The following TRPM2 variants were observed in gnomAD, a reference collection of about 807,000 sequenced individuals.
TRPM2 encodes transient receptor potential cation channel subfamily M member 2.
In TRPM2, 161 loss-of-function variants were observed where a neutral mutation model predicts 174.0. The observed-to-expected ratio is 0.93, with a 90% CI of 0.81 to 1.05. TRPM2 has a LOEUF of 1.05. TRPM2 is among the 50% of genes least tolerant of loss of function. The probability of loss-of-function intolerance (pLI) is 0.00; values close to 1 mark genes in which losing one functional copy is unlikely to be tolerated. For synonymous variants in TRPM2, 954 were observed against 861.3 expected, an observed-to-expected ratio of 1.11 and a Z score of -1.88; for missense variants, 2,057 against 2,038.0, an observed-to-expected ratio of 1.01 and a Z score of -0.18.
At chr21:44,363,094 T>C (rs1023664042) in intron 2 of TRPM2, among the ~76,000 whole-genome samples, 5 of 152,342 alleles carry the variant, frequency 3.3e-5, no homozygotes, top group Middle Eastern at 3.4e-3. Context: ...TTTTATTTGT[T>C]TTTAGTTTTT....
chr21:44,376,780 G>A lies in TRPM2; in HGVS notation c.952+767G>A, dbSNP rs541455211. 6.6e-6 allele frequency among the ~76,000 whole-genome samples: 1 copy of A among 152,304 alleles called. No homozygotes were observed. Among genetic ancestry groups the A allele is most frequent in the East Asian group, 1.9e-4 (1 of 5,186 alleles). On this transcript the variant is annotated intron_variant, in intron 6 of 31. Transcript: ENST00000397928. This position sits in a 1 kb window ranked among gnomAD's most constrained non-coding sequence, Gnocchi z 4.2. ...TGGGTGGGCTGGGGTCCCTTGCAGG[G>A]TTCCTTGTGCATCGAACTCCCCTGG...
rs2051063674 is a variant in TRPM2 at position 44,432,589 on chromosome 21, G to T, written c.3975-2542G>T. Reference sequence around the variant, plus strand: ...AAGGACCTCATCCCGGGAATGTCCTGCTCCTCCTGCACCCGGGTCCTCCTG... The same window carrying T: ...AAGGACCTCATCCCGGGAATGTCCTTCTCCTCCTGCACCCGGGTCCTCCTG... On this transcript the variant is annotated intron_variant, in intron 27 of 31. Coordinates refer to ENST00000397928, the MANE Select transcript of TRPM2 (RefSeq NM_003307.4). This position sits in a 1 kb window ranked among gnomAD's most constrained non-coding sequence, Gnocchi z 4.9. Among the ~76,000 whole-genome samples the T allele has an allele frequency of 6.6e-6, 1 of 152,162 alleles. No individual in the cohort carries two copies. The highest frequency in any genetic ancestry group is 2.4e-5 in the African/African-American group (1 of 41,424).
intron 28 of TRPM2, 80 bp downstream of exon 28, chr21:44,435,297 G>C: frequency 6.7e-7 from 1 of 1,493,834 alleles, no homozygotes; most frequent in South Asian, 1.2e-5. Context: ...CCATTGCCCA[G>C]TGCTCAGGGG....
chr21:44,439,395 G>C lies in TRPM2; in HGVS notation c.4269+227G>C, dbSNP rs921233119. Among the ~76,000 whole-genome samples, 2 of 152,118 alleles carry C rather than the reference G, an allele frequency of 1.3e-5. No homozygotes were observed. Among genetic ancestry groups the C allele is most frequent in the Non-Finnish European group, 2.9e-5 (2 of 68,020 alleles). Reference sequence around the variant, plus strand: ...CTCAGACATCTCGCCCTCCCTCTCTGTTCCATTTTCTCCTCTCTAAATCAA... The same window carrying C: ...CTCAGACATCTCGCCCTCCCTCTCTCTTCCATTTTCTCCTCTCTAAATCAA... On this transcript the variant is annotated intron_variant, in intron 30 of 31. Coordinates refer to ENST00000397928, the MANE Select transcript of TRPM2 (RefSeq NM_003307.4). This position sits in a 1 kb window ranked among gnomAD's most constrained non-coding sequence, Gnocchi z 5.1.
chr21:44,406,579 C>G lies in TRPM2; in HGVS notation c.2791-15C>G, dbSNP rs1618355. On this transcript the variant is annotated splice_polypyrimidine_tract_variant and intron_variant, in intron 18 of 31. Transcript: ENST00000397928. Reference sequence around the variant, plus strand: ...GGGCCAGGAGAGTGTAGCCCACACACTCTCTGTCCTGCAGATGAAGGACGT... The same window carrying G: ...GGGCCAGGAGAGTGTAGCCCACACAGTCTCTGTCCTGCAGATGAAGGACGT... 7.5e-6 allele frequency: 12 copies of G among 1,602,774 alleles called. No individual in the cohort carries two copies. In the Admixed American group the frequency reaches 1.4e-4, roughly 18 times the overall value.
chr21:44,406,885 C>A, intron 19 of TRPM2, 120 bp downstream of exon 19: 1 of 1,310,170 alleles, frequency 7.6e-7, no homozygotes, highest in Non-Finnish European at 1.0e-6. Context: ...CGGTTCCCAC[C>A]TGGCCGGTGT....
chr21:44,412,269 T>G (rs1263557298), intron 19 of TRPM2, among the ~76,000 whole-genome samples: 3 of 152,204 alleles, frequency 2.0e-5, no homozygotes, highest in Non-Finnish European at 2.9e-5. Context: ...TTCAATCTCT[T>G]TATGTGTTAT....
At position 44,353,838 on chromosome 21, in the gene TRPM2, A is replaced by C. The variant is rs45438394; in HGVS notation, c.138A>C (p.Leu46=). 1 of 1,600,940 alleles carries C rather than the reference A, an allele frequency of 6.2e-7. No homozygotes were observed. The highest frequency in any genetic ancestry group is 1.1e-5 in the South Asian group (1 of 89,122). Residue 46 remains leucine, a synonymous_variant, in exon 1 of 32, where the codon CTA becomes CTC. Coordinates refer to ENST00000397928, the MANE Select transcript of TRPM2 (RefSeq NM_003307.4). ...GCAGCCTCTTCAAGAGCTGGAGGCTACAGTGCCCCTTCGGCAACAATGACA... is the reference window on the plus strand; with the variant it reads ...GCAGCCTCTTCAAGAGCTGGAGGCTCCAGTGCCCCTTCGGCAACAATGACA... The part of the protein sequence containing the change: ...SNSSLFKSWR[L]QCPFGNNDKQ...
intron 19 of TRPM2, among the ~76,000 whole-genome samples, chr21:44,407,853 G>C (rs1296218536): frequency 6.6e-6 from 1 of 150,954 alleles, no homozygotes; most frequent in East Asian, 1.9e-4. Flanking sequence ...CATATGGGTT[G>C]TTTCCACTTT....
rs1417749734 is a variant in TRPM2, at chr21:44,413,949, G to A, written c.3021G>A (p.Lys1007=). The change falls in exon 20 of 32, where the codon AAG becomes AAA. Residue 1007 remains lysine, a synonymous_variant. Coordinates refer to ENST00000397928, the MANE Select transcript of TRPM2 (RefSeq NM_003307.4). ...ATGGCACCGACCCCTACAAGCCTAA[G>A]TGCCCCGAGAGCGACGCGACGCAGC... ...SPNGTDPYKP[K]CPESDATQQR... is the part of the protein sequence containing the mutation. 1 of 1,613,914 alleles carries A rather than the reference G, an allele frequency of 6.2e-7. No individual in the cohort carries two copies. Among genetic ancestry groups the A allele is most frequent in the Non-Finnish European group, 8.5e-7 (1 of 1,180,034 alleles).
intron 22 of TRPM2, chr21:44,422,168 C>T (rs2146363674): frequency 7.3e-7 from 1 of 1,370,106 alleles, no homozygotes; most frequent in Non-Finnish European, 9.7e-7. Context: ...CCGTCCCCTC[C>T]TCCAGTGAAG....
At chr21:44,436,290 T>C (rs2051263162) in intron 28 of TRPM2, among the ~76,000 whole-genome samples, 1 of 152,110 alleles carries the variant, frequency 6.6e-6, no homozygotes, top group African/African-American at 2.4e-5. Flanking sequence ...TGCTGTGCCC[T>C]GTGCTCTCTG....
chr21:44,413,912 A>T lies in TRPM2; in HGVS notation c.2984A>T (p.His995Leu), dbSNP rs145251840. 3.3e-5 allele frequency: 54 copies of T among 1,612,794 alleles called. No homozygotes were observed. In the African/African-American group the frequency reaches 6.4e-4, roughly 19 times the overall value. The change falls in exon 20 of 32, where the codon CAC becomes CTC. Residue 995 changes from histidine (H) to leucine (L), a missense_variant. Physicochemically the swap from His to Leu is moderately conservative, Grantham distance 99 (BLOSUM62 -3). Coordinates refer to ENST00000397928, the MANE Select transcript of TRPM2 (RefSeq NM_003307.4). ...CCAGGTGTGAACTTCAACCCGGAGC[A>T]CTGCAGCCCCAATGGCACCGACCCC... Reference protein sequence around the residue: ...YIDGVNFNPEHCSPNGTDPYK... With the variant: ...YIDGVNFNPELCSPNGTDPYK...
intron 23 of TRPM2, among the ~76,000 whole-genome samples, chr21:44,424,371 C>CTGACA (rs1384047161): frequency 6.6e-6 from 1 of 152,228 alleles, no homozygotes; most frequent in African/African-American, 2.4e-5. Context: ...GCTGGGACCC[C>CTGACA]TGACAGGGTG....
intron 28 of TRPM2, 112 bp from the exon 29 acceptor site, chr21:44,436,950 C>A: frequency 1.2e-6 from 1 of 834,278 alleles, no homozygotes; most frequent in South Asian, 1.6e-5. Flanking sequence ...ACGGTTTGAG[C>A]CTGCAGTGGG....
At chr21:44,422,139 A>C in intron 22 of TRPM2, 3 of 1,029,556 alleles carry the variant, frequency 2.9e-6, no homozygotes, top group Non-Finnish European at 4.1e-6. Context: ...AGCCCGTACC[A>C]AGGGCCCTAG....
intron 9 of TRPM2, among the ~76,000 whole-genome samples, chr21:44,383,082 C>T (rs2048929657): frequency 6.6e-6 from 1 of 152,178 alleles, no homozygotes; most frequent in East Asian, 1.9e-4. Context: ...CATAATTTCT[C>T]ATAAAACTTC....
rs574755214 is a variant in TRPM2 at position 44,357,596 on chromosome 21, A to T, written c.254+2860A>T. 2.0e-5 allele frequency among the ~76,000 whole-genome samples: 3 copies of T among 152,322 alleles called. No homozygotes were observed. In the East Asian group the frequency reaches 5.8e-4, roughly 29 times the overall value. On this transcript the variant is annotated intron_variant, in intron 2 of 31. Coordinates refer to ENST00000397928, the MANE Select transcript of TRPM2 (RefSeq NM_003307.4). ...AAGCACGTGGCCACCTGCAAAGCCC[A>T]TTCGAGGCTCAGAGCCCAGGGCGTG...
chr21:44,428,878 T>C (rs961499384), intron 27 of TRPM2, among the ~76,000 whole-genome samples: 1 of 152,248 alleles, frequency 6.6e-6, no homozygotes, highest in Admixed American at 6.5e-5. Flanking sequence ...TTCAAAGCTC[T>C]GTATGCCTCT....
Sources: gnomAD v4.1 joint callset for allele counts (sites outside exome capture counted in the v4.1 genomes callset) on GRCh38, gnomAD v4.1.1 for gene constraint, Gnocchi (gnomAD v3.1) non-coding constraint, MANE v1.5 for transcripts, NCBI Gene and HGNC (gene_info 2026-07-23, HGNC 2026-07-21) for gene names.